The following EXTL3 variants were observed in gnomAD, a reference collection of about 807,000 sequenced individuals.
The protein encoded by EXTL3 is exostosin like glycosyltransferase 3.
EXTL3 carries 27 observed loss-of-function variants against 69.3 expected under a neutral mutation model. The observed-to-expected ratio is 0.39, with a 90% CI of 0.29 to 0.54. The LOEUF (loss-of-function observed/expected upper bound fraction) is 0.54. Ranked by LOEUF, EXTL3 falls within the 20% of genes least tolerant of loss-of-function variation. The pLI is 0.69. For synonymous variants in EXTL3, 511 were observed against 499.4 expected (o/e 1.02, Z -0.31); for missense variants, 1,003 against 1,231.8 (o/e 0.81, Z 2.78).
chr8:28,624,191 A>G (rs559511188), intron 1 of EXTL3, among the ~76,000 whole-genome samples: 14 of 152,326 alleles, frequency 9.2e-5, no homozygotes, highest in African/African-American at 3.1e-4. Flanking sequence ...CTCTGGAATT[A>G]TCAGTTCTTT....
chr8:28,677,474 G>A (rs751448135), intron 1 of EXTL3, among the ~76,000 whole-genome samples: 63 of 152,172 alleles, frequency 4.1e-4, no homozygotes, highest in Non-Finnish European at 8.1e-4. Flanking sequence ...ATAGATTTTC[G>A]ACAACACAAG....
intron 3 of EXTL3, among the ~76,000 whole-genome samples, chr8:28,723,640 GTTTT>G (rs34831917): frequency 8.3e-6 from 1 of 120,928 alleles, no homozygotes. Flanking sequence ...GCTCAGGACT[GTTTT>G]TTTTTTTTTT....
chr8:28,707,611 A>G (rs1800951131), intron 1 of EXTL3, among the ~76,000 whole-genome samples: 1 of 152,166 alleles, frequency 6.6e-6, no homozygotes, highest in South Asian at 2.1e-4. Context: ...TCAATTCTTC[A>G]TTAGACCAAT....
chr8:28,607,919 T>C lies in EXTL3; in HGVS notation n.314+161T>C, dbSNP rs374520009. Among the ~76,000 whole-genome samples, 398 of 152,150 alleles carry C rather than the reference T, an allele frequency of 2.6e-3. 4 individuals carry two copies. The highest frequency in any genetic ancestry group is 0.02 in the South Asian group (96 of 4,822). The stretch of plus-strand genomic sequence containing the variant: ...CGAGGTCAGGAGATCGAGACCATCC[T>C]GGCTAACACCATGAAACCCCGTCTC... On this transcript the variant is annotated intron_variant and non_coding_transcript_variant, in intron 2 of 4. Coordinates refer to the EXTL3 transcript ENST00000522725.
chr8:28,628,245 C>G (rs953453372), intron 1 of EXTL3, among the ~76,000 whole-genome samples: 4 of 152,174 alleles, frequency 2.6e-5, no homozygotes, highest in Non-Finnish European at 5.9e-5. Flanking sequence ...GCCTCTAATT[C>G]CAGCTACTCG....
upstream of EXTL3, among the ~76,000 whole-genome samples, chr8:28,620,160 A>C (rs956369759): frequency 6.6e-6 from 1 of 151,690 alleles, no homozygotes. Flanking sequence ...GGTGTGAGCC[A>C]CCGCGCCTGG....
chr8:28,716,024 C>A lies in EXTL3; in HGVS notation c.-36C>A. On this transcript the variant is annotated 5_prime_UTR_variant, in exon 3 of 7. Coordinates refer to ENST00000220562, the MANE Select transcript of EXTL3 (RefSeq NM_001440.4). The surrounding 1 kb of genome is among the most constrained non-coding windows in gnomAD (Gnocchi z 7.1). ...AGCAACCCATGGTTATGGCGAGTGACCCGACGTGATCTGGGGGGCAGGCTG... is the reference window on the plus strand; with the variant it reads ...AGCAACCCATGGTTATGGCGAGTGAACCGACGTGATCTGGGGGGCAGGCTG... 1 of 1,548,210 alleles carries A rather than the reference C, an allele frequency of 6.5e-7. No homozygotes were observed.
rs370131273 is a variant in EXTL3, at chr8:28,609,171, G to T, written n.314+1413G>T. Among the ~76,000 whole-genome samples the T allele has an allele frequency of 3.9e-4, 60 of 152,212 alleles. 2 individuals are homozygous for T. Among genetic ancestry groups the T allele is most frequent in the African/African-American group, 1.4e-3 (58 of 41,482 alleles). On this transcript the variant is annotated intron_variant and non_coding_transcript_variant, in intron 2 of 4. Coordinates refer to the EXTL3 transcript ENST00000522725. ...CCGATTTGTCCAGAGCACAGTGAGTGAACAGAGAGTGGGTACAGTTGAGTT... is the reference window on the plus strand; with the variant it reads ...CCGATTTGTCCAGAGCACAGTGAGTTAACAGAGAGTGGGTACAGTTGAGTT...
rs182302364 is a variant in EXTL3 at position 28,687,264 on chromosome 8, G to A, written c.-52-26193G>A. Among the ~76,000 whole-genome samples the A allele has an allele frequency of 2.8e-3, 424 of 152,302 alleles. 3 individuals carry two copies. The highest frequency in any genetic ancestry group is 9.8e-3 in the African/African-American group (408 of 41,550). On this transcript the variant is annotated intron_variant, in intron 1 of 6. Coordinates refer to the EXTL3 transcript ENST00000523149. ...ATGGATCACTTGAGGTCAGGAGTTC[G>A]TAACCAGCCTGGCCAAGACAGTGAA...
chr8:28,645,146 G>A lies in EXTL3; in HGVS notation c.-53+22336G>A, dbSNP rs186657586. Among the ~76,000 whole-genome samples, 170 of 152,312 alleles carry A rather than the reference G, an allele frequency of 1.1e-3. 3 individuals are homozygous for A. The highest frequency in any genetic ancestry group is 5.9e-5 in the Non-Finnish European group (4 of 68,018). On this transcript the variant is annotated intron_variant, in intron 1 of 6. Transcript: ENST00000523149. ...CCAGTCTCTCCTGGGGGCCTGCACT[G>A]TATTTGTCATGGTACTTGACACTAA...
At chr8:28,737,389 T>C in intron 4 of EXTL3, 130 bp from the exon 5 acceptor site, 1 of 991,242 alleles carries the variant, frequency 1.0e-6, no homozygotes, top group South Asian at 1.4e-5. Flanking sequence ...GATTTTGTTT[T>C]ATTTTGAAAG....
At chr8:28,672,472 G>A (rs1807312671) in intron 1 of EXTL3, among the ~76,000 whole-genome samples, 1 of 152,142 alleles carries the variant, frequency 6.6e-6, no homozygotes, top group Admixed American at 6.5e-5. Flanking sequence ...TATTAAGGGA[G>A]ATCAGATTAG....
chr8:28,680,063 T>C (rs1232693225), intron 1 of EXTL3, among the ~76,000 whole-genome samples: 4 of 151,872 alleles, frequency 2.6e-5, no homozygotes, highest in South Asian at 2.1e-4. Context: ...TTTTTTTTTT[T>C]CCGGTGTAAG....
At chr8:28,713,607 T>C (rs2130729431) in intron 2 of EXTL3, 57 bp downstream of exon 2, 2 of 692,118 alleles carry the variant, frequency 2.9e-6, no homozygotes, top group East Asian at 5.4e-5. Context: ...TTCTTTTTCT[T>C]CCATTCTGTT....
At chr8:28,681,272 T>C (rs1807482830) in intron 1 of EXTL3, among the ~76,000 whole-genome samples, 1 of 151,462 alleles carries the variant, frequency 6.6e-6, no homozygotes, top group African/African-American at 2.4e-5. Context: ...CCCAGCACTT[T>C]GGGCGGCTGA....
At chr8:28,612,888 T>C (rs1007586037) in intron 2 of EXTL3, among the ~76,000 whole-genome samples, 5 of 152,166 alleles carry the variant, frequency 3.3e-5, no homozygotes, top group Non-Finnish European at 4.4e-5. Context: ...CTGGCTAATT[T>C]TTAAGTTTTT....
intron 1 of EXTL3, among the ~76,000 whole-genome samples, chr8:28,708,342 C>T (rs1412167770): frequency 6.6e-6 from 1 of 151,712 alleles, no homozygotes; most frequent in East Asian, 1.9e-4. Context: ...AACATAGGGC[C>T]TTGGTCTCCT....
At chr8:28,710,480 C>T in intron 1 of EXTL3, 1 of 456,224 alleles carries the variant, frequency 2.2e-6, no homozygotes, top group Non-Finnish European at 4.4e-6. Flanking sequence ...GAACGCAAGA[C>T]ACTTTGATAG....
chr8:28,676,809 G>T (rs750633614), intron 1 of EXTL3, among the ~76,000 whole-genome samples: 14 of 152,132 alleles, frequency 9.2e-5, no homozygotes, highest in Non-Finnish European at 1.6e-4. Flanking sequence ...TCAGACCCCC[G>T]TGTGCCTAAG....
Sources: gnomAD v4.1 joint callset for allele counts (sites outside exome capture counted in the v4.1 genomes callset) on GRCh38, gnomAD v4.1.1 for gene constraint, Gnocchi (gnomAD v3.1) non-coding constraint, MANE v1.5 for transcripts, NCBI Gene and HGNC (gene_info 2026-07-23, HGNC 2026-07-21) for gene names.